The following PPARG variants were observed in gnomAD, a reference collection of about 807,000 sequenced individuals.
The protein encoded by PPARG is peroxisome proliferator-activated receptor gamma.
PPARG carries 17 observed loss-of-function variants against 39.2 expected under a neutral mutation model. The ratio of observed to expected loss-of-function variants is 0.43; its 90% CI spans 0.30 to 0.65. The LOEUF (loss-of-function observed/expected upper bound fraction) is 0.65, where lower values mean the gene tolerates loss of function less well. PPARG is among the 30% of genes least tolerant of loss of function. The pLI, the probability that PPARG is intolerant of heterozygous loss-of-function variation, is 0.13. For missense variants in PPARG, 406 were observed against 585.9 expected (o/e 0.69, Z 3.17); for synonymous variants, 223 against 215.7 (o/e 1.03, Z -0.30).
chr3:12,333,686 G>A (rs774470394), intron 2 of PPARG, among the ~76,000 whole-genome samples: 1 of 152,050 alleles, frequency 6.6e-6, no homozygotes, highest in Non-Finnish European at 1.5e-5. Context: ...CCCCTACCTC[G>A]TCTAGAAGGC....
At chr3:12,323,154 TAA>T (rs1237255547) in intron 2 of PPARG, among the ~76,000 whole-genome samples, 3 of 151,934 alleles carry the variant, frequency 2.0e-5, no homozygotes, top group African/African-American at 7.2e-5. Flanking sequence ...GAATAAAAAA[TAA>T]AGAGGATGAA....
chr3:12,349,039 A>G (rs1227022242), intron 2 of PPARG, among the ~76,000 whole-genome samples: 3 of 152,196 alleles, frequency 2.0e-5, no homozygotes, highest in African/African-American at 7.2e-5. Context: ...CTGTACTTAA[A>G]CAAATATATT....
At chr3:12,333,551 A>G (rs542059088) in intron 2 of PPARG, among the ~76,000 whole-genome samples, 1 of 152,176 alleles carries the variant, frequency 6.6e-6, no homozygotes, top group East Asian at 1.9e-4. Flanking sequence ...TGCAACCTCA[A>G]CCTACCGGGC....
intron 5 of PPARG, among the ~76,000 whole-genome samples, chr3:12,401,717 T>C (rs561882315): frequency 1.9e-4 from 29 of 152,300 alleles, no homozygotes; most frequent in Non-Finnish European, 3.8e-4. Flanking sequence ...ATGGGATCGA[T>C]TTTTCATTCC....
At chr3:12,429,933 T>C (rs918058193) in intron 7 of PPARG, among the ~76,000 whole-genome samples, 2 of 152,178 alleles carry the variant, frequency 1.3e-5, no homozygotes, top group African/African-American at 4.8e-5. Flanking sequence ...GGTTCCAAAA[T>C]TGAATGCTGA....
chr3:12,395,573 ATTC>A (rs2050229434), intron 5 of PPARG, among the ~76,000 whole-genome samples: 1 of 152,230 alleles, frequency 6.6e-6, no homozygotes, highest in Admixed American at 6.5e-5. Context: ...TAGTTTCAGA[ATTC>A]TTCCAGTTAG....
Position 12,318,016 on chromosome 3 carries a change from C to T in PPARG, c.-9+5563C>T, listed in dbSNP as rs570942188. Among the ~76,000 whole-genome samples the T allele has an allele frequency of 4.6e-5, 7 of 152,188 alleles. No homozygotes were observed. The East Asian group carries it at 1.4e-3, about 29-fold the overall frequency. On this transcript the variant is annotated intron_variant, in intron 2 of 7. Coordinates refer to ENST00000651735, the MANE Select transcript of PPARG (RefSeq NM_138711.6). ...AGAGGCAGGGCCTTCCTCTGTTGCT[C>T]AGGCTGGAGTGCAGTGGTGCAATCA...
At chr3:12,319,270 G>A (rs11128599) in intron 2 of PPARG, among the ~76,000 whole-genome samples, 37,893 of 152,040 alleles carry the variant, frequency 0.25, 4,851 homozygotes, top group East Asian at 0.33. Flanking sequence ...AAGTACAGCA[G>A]CTCCCACTGG....
Position 12,418,967 on chromosome 3 carries a change from G to A in PPARG, c.1180+1813G>A, listed in dbSNP as rs565346649. Among the ~76,000 whole-genome samples, 11 of 152,034 alleles carry A rather than the reference G, an allele frequency of 7.2e-5. No homozygotes were observed. In the East Asian group the frequency reaches 7.7e-4, roughly 11 times the overall value. ...TTTTTTGTTTTTTTGTTTTTGAGGC[G>A]AAGTCTCACTCTTGTTGCCCAGGCT... is the stretch of plus-strand genomic sequence containing the variant. On this transcript the variant is annotated intron_variant, in intron 7 of 7. Transcript: ENST00000651735.
intron 5 of PPARG, among the ~76,000 whole-genome samples, chr3:12,393,599 A>G (rs886602078): frequency 1.3e-5 from 2 of 152,168 alleles, no homozygotes; most frequent in African/African-American, 4.8e-5. Flanking sequence ...AGTATTAATC[A>G]GTTATTTTCA....
chr3:12,350,150 T>C (rs932290894), intron 2 of PPARG, among the ~76,000 whole-genome samples: 7 of 152,198 alleles, frequency 4.6e-5, no homozygotes, highest in Admixed American at 2.6e-4. Flanking sequence ...AGCTCCTTTA[T>C]TGAGAATTCA....
chr3:12,425,417 C>T (rs1335364578), intron 7 of PPARG, among the ~76,000 whole-genome samples: 1 of 152,088 alleles, frequency 6.6e-6, no homozygotes, highest in African/African-American at 2.4e-5. Context: ...CACTTACTGC[C>T]CTTCATGTGC....
At chr3:12,332,238 T>A (rs1354287331) in intron 2 of PPARG, among the ~76,000 whole-genome samples, 1 of 152,176 alleles carries the variant, frequency 6.6e-6, no homozygotes, top group Non-Finnish European at 1.5e-5. Context: ...CTTCAACATA[T>A]TAAGCCATTT....
At chr3:12,404,766 T>G (rs904930331) in intron 5 of PPARG, among the ~76,000 whole-genome samples, 9 of 152,222 alleles carry the variant, frequency 5.9e-5, no homozygotes, top group Non-Finnish European at 1.5e-5. Context: ...ATTGTGCCAC[T>G]GCACTCCAGC....
At chr3:12,331,469 A>G (rs182367024) in intron 2 of PPARG, among the ~76,000 whole-genome samples, 9 of 152,306 alleles carry the variant, frequency 5.9e-5, no homozygotes, top group African/African-American at 2.2e-4. Flanking sequence ...CTTCAGAGAG[A>G]AGCAAGAACT....
intron 7 of PPARG, among the ~76,000 whole-genome samples, chr3:12,431,160 A>C (rs2051647480): frequency 6.6e-6 from 1 of 152,226 alleles, no homozygotes; most frequent in African/African-American, 2.4e-5. Flanking sequence ...CTTATAATCT[A>C]ACCCAAGGCA....
chr3:12,295,036 T>G (rs1201942076), intron 1 of PPARG, among the ~76,000 whole-genome samples: 3 of 152,120 alleles, frequency 2.0e-5, no homozygotes, highest in Non-Finnish European at 4.4e-5. Context: ...AGCTAATAGG[T>G]GGTATTTAGC....
At chr3:12,334,645 A>G (rs1575009718) in intron 2 of PPARG, among the ~76,000 whole-genome samples, 1 of 152,142 alleles carries the variant, frequency 6.6e-6, no homozygotes, top group South Asian at 2.1e-4. Flanking sequence ...AATAATTCCT[A>G]CTTCTCAAGA....
chr3:12,412,875 C>T (rs565734636), intron 6 of PPARG, among the ~76,000 whole-genome samples: 74 of 152,306 alleles, frequency 4.9e-4, no homozygotes, highest in African/African-American at 9.6e-4. Flanking sequence ...TAAGGAGGGA[C>T]GCTTACCCAG....
Sources: allele counts gnomAD v4.1 joint callset (sites outside exome capture counted in the v4.1 genomes callset), GRCh38; gene constraint gnomAD v4.1.1; transcripts MANE v1.5; gene names NCBI Gene and HGNC (gene_info 2026-07-23, HGNC 2026-07-21).